The following ABCC1 variants were observed in gnomAD, a reference collection of about 807,000 sequenced individuals.
ABCC1 encodes multidrug resistance-associated protein 1.
ABCC1 carries 83 observed loss-of-function variants against 172.9 expected under a neutral mutation model. The ratio of observed to expected loss-of-function variants is 0.48; its 90% CI spans 0.40 to 0.58. The LOEUF (loss-of-function observed/expected upper bound fraction) is 0.58, where lower values mean the gene tolerates loss of function less well. ABCC1 is among the 20% of genes least tolerant of loss of function. The pLI is 0.00. For missense variants in ABCC1, 1,817 were observed against 2,002.7 expected (o/e 0.91, Z 1.77); for synonymous variants, 937 against 825.2 (o/e 1.14, Z -2.32).
chr16:16,131,194 G>A (rs552485300), intron 26 of ABCC1, among the ~76,000 whole-genome samples: 5 of 152,284 alleles, frequency 3.3e-5, no homozygotes, highest in South Asian at 4.2e-4. Context: ...TGAACGTCAC[G>A]TTAATTCTGG....
chr16:15,971,632 C>G (rs891196484), intron 1 of ABCC1, among the ~76,000 whole-genome samples: 4 of 152,100 alleles, frequency 2.6e-5, no homozygotes, highest in Non-Finnish European at 4.4e-5. Context: ...TGAAAAGGGG[C>G]GTTGAATGGG....
intron 1 of ABCC1, 144 bp downstream of exon 1, chr16:15,949,943 GC>G: frequency 1.5e-6 from 1 of 656,734 alleles, no homozygotes; most frequent in Non-Finnish European, 2.0e-6. Context: ...GTCGCCCGCG[GC>G]CCAGCCCCTT....
intron 1 of ABCC1, among the ~76,000 whole-genome samples, chr16:15,988,022 A>T (rs2046780156): frequency 6.6e-6 from 1 of 152,132 alleles, no homozygotes; most frequent in Admixed American, 6.6e-5. Context: ...CAGTGGTGTG[A>T]TCGCAGATCA....
At chr16:16,127,638 CCTATCCAGTGCCATGGGAGTCATG>C (rs1436518427) in intron 26 of ABCC1, among the ~76,000 whole-genome samples, 4 of 152,170 alleles carry the variant, frequency 2.6e-5, no homozygotes, top group African/African-American at 4.8e-5. Context: ...CCTCAGAGAC[CCTATCCAGTGCCATGGGAGTCATG>C]CTACCCGGCC....
intron 19 of ABCC1, among the ~76,000 whole-genome samples, chr16:16,091,209 G>A (rs45540634): frequency 4.4e-4 from 67 of 151,928 alleles, no homozygotes; most frequent in African/African-American, 1.4e-3. Context: ...TGGGAGGATC[G>A]CTCCAGCTCA....
At chr16:16,002,388 C>T (rs1171069431) in intron 1 of ABCC1, among the ~76,000 whole-genome samples, 2 of 152,080 alleles carry the variant, frequency 1.3e-5, no homozygotes, top group Non-Finnish European at 2.9e-5. Flanking sequence ...GAGGGGAGGG[C>T]CATAGGGAAT....
chr16:16,030,813 A>G (rs1273256758), intron 5 of ABCC1, among the ~76,000 whole-genome samples: 1 of 152,018 alleles, frequency 6.6e-6, no homozygotes, highest in Non-Finnish European at 1.5e-5. Flanking sequence ...AACCAGCTTA[A>G]TCAGATTGCC....
Position 16,131,950 on chromosome 16 carries a change from C to T in ABCC1, c.3966+15C>T. ...GGGGAGAAAAGGTGGGTACACATCG[C>T]CCCATTCCCTCACCCATTCCCAGTC... On this transcript the variant is annotated intron_variant, in intron 27 of 30. Coordinates refer to ENST00000399410, the MANE Select transcript of ABCC1 (RefSeq NM_004996.4). The T allele has an allele frequency of 6.2e-7, 1 of 1,609,688 alleles. No homozygotes were observed. Among genetic ancestry groups the T allele is most frequent in the Non-Finnish European group, 8.5e-7 (1 of 1,177,246 alleles).
intron 5 of ABCC1, among the ~76,000 whole-genome samples, chr16:16,024,304 A>G (rs1357159618): frequency 7.0e-6 from 1 of 142,768 alleles, no homozygotes; most frequent in Non-Finnish European, 1.6e-5. Flanking sequence ...AGTCAGCATC[A>G]GAGATCAAGG....
intron 25 of ABCC1, among the ~76,000 whole-genome samples, chr16:16,125,527 C>T (rs2045391544): frequency 2.0e-5 from 3 of 151,946 alleles, no homozygotes; most frequent in African/African-American, 7.3e-5. Context: ...CTCCTGGGTT[C>T]AAGTGATTCT....
chr16:15,958,695 C>T (rs577575084), intron 1 of ABCC1, among the ~76,000 whole-genome samples: 7 of 152,308 alleles, frequency 4.6e-5, no homozygotes, highest in South Asian at 2.1e-4. Context: ...AGCTTCCCCC[C>T]GCTTAGCAAG....
intron 14 of ABCC1, among the ~76,000 whole-genome samples, chr16:16,074,507 T>C (rs570655065): frequency 8.3e-4 from 126 of 152,326 alleles, no homozygotes; most frequent in Admixed American, 1.4e-3. Context: ...CACAGCTCAA[T>C]GCAAGCATCA....
chr16:16,021,814 TC>T (rs1393644708), intron 5 of ABCC1, among the ~76,000 whole-genome samples: 1 of 152,068 alleles, frequency 6.6e-6, no homozygotes, highest in Non-Finnish European at 1.5e-5. Flanking sequence ...AGGAACCAGG[TC>T]CTGTGAGAAT....
At position 16,065,396 on chromosome 16, in the gene ABCC1, G is replaced by A. The variant is rs146932757; in HGVS notation, c.1678-2760G>A. 2.1e-3 allele frequency among the ~76,000 whole-genome samples: 315 copies of A among 152,194 alleles called. 2 individuals are homozygous for A. The highest frequency in any genetic ancestry group is 0.014 in the Middle Eastern group (4 of 294). ...CTGCCTCAGCCTCCCTAGTAGCTAG[G>A]ACTACAGGTGCATGCCACTATGCTT... On this transcript the variant is annotated intron_variant, in intron 12 of 30. Coordinates refer to ENST00000399410, the MANE Select transcript of ABCC1 (RefSeq NM_004996.4).
intron 26 of ABCC1, among the ~76,000 whole-genome samples, chr16:16,129,438 C>T (rs2045584520): frequency 6.6e-6 from 1 of 151,930 alleles, no homozygotes; most frequent in African/African-American, 2.4e-5. Flanking sequence ...CACTTGAGCC[C>T]AGGAGTTTGA....
chr16:16,103,324 A>C, intron 20 of ABCC1, among the ~76,000 whole-genome samples: 1 of 152,208 alleles, frequency 6.6e-6, no homozygotes, highest in East Asian at 1.9e-4. Flanking sequence ...TCATGCCTAT[A>C]ATCCCAGCAC....
intron 1 of ABCC1, among the ~76,000 whole-genome samples, chr16:15,993,014 C>T (rs1448480391): frequency 2.0e-5 from 3 of 152,142 alleles, no homozygotes; most frequent in African/African-American, 4.8e-5. Flanking sequence ...GTCATCTGCC[C>T]AGACCGCCAC....
chr16:15,986,946 C>T (rs1351992729), intron 1 of ABCC1, among the ~76,000 whole-genome samples: 1 of 152,182 alleles, frequency 6.6e-6, no homozygotes, highest in Non-Finnish European at 1.5e-5. Flanking sequence ...AGGTGGATCA[C>T]TTGAGCTCAG....
intron 30 of ABCC1, 121 bp from the exon 31 acceptor site, chr16:16,141,052 G>C (rs1167079100): frequency 3.9e-6 from 3 of 763,666 alleles, no homozygotes; most frequent in African/African-American, 3.4e-5. Context: ...TACTGCACCA[G>C]TCCTAGCAAA....
Sources: allele counts gnomAD v4.1 joint callset (sites outside exome capture counted in the v4.1 genomes callset), GRCh38; gene constraint gnomAD v4.1.1; transcripts MANE v1.5; gene names NCBI Gene and HGNC (gene_info 2026-07-23, HGNC 2026-07-21).